SOX6: variants seen among roughly 807,000 people sequenced by gnomAD.
SOX6 encodes transcription factor SOX-6.
Under a neutral mutation model 97.8 loss-of-function variants are expected in SOX6, and 11 were observed. The ratio of observed to expected loss-of-function variants is 0.11; its 90% CI spans 0.07 to 0.19. The LOEUF is 0.19. Ranked by LOEUF, SOX6 falls within the 10% of genes least tolerant of loss-of-function variation. The probability of loss-of-function intolerance (pLI) is 1.00; values close to 1 mark genes in which losing one functional copy is unlikely to be tolerated. For missense variants in SOX6, 810 were observed against 1,039.5 expected (o/e 0.78, Z 3.04); for synonymous variants, 360 against 371.4 (o/e 0.97, Z 0.35).
At chr11:16,586,334 A>C (rs945832034) in intron 4 of SOX6, among the ~76,000 whole-genome samples, 2 of 152,180 alleles carry the variant, frequency 1.3e-5, no homozygotes, top group Non-Finnish European at 2.9e-5. Context: ...TTAAAGAAAA[A>C]AAGGAAAGAA....
chr11:16,622,067 G>A (rs1192975122), intron 3 of SOX6, among the ~76,000 whole-genome samples: 1 of 152,064 alleles, frequency 6.6e-6, no homozygotes, highest in Non-Finnish European at 1.5e-5. Context: ...TTTTCTTAAA[G>A]TAATGCTTGC....
chr11:16,707,549 A>G (rs1311612431), intron 3 of SOX6, among the ~76,000 whole-genome samples: 1 of 152,196 alleles, frequency 6.6e-6, no homozygotes, highest in African/African-American at 2.4e-5. Flanking sequence ...TTTAACAGCT[A>G]CAGCTTCAAA....
chr11:16,536,480 G>A (rs149901498), intron 4 of SOX6, among the ~76,000 whole-genome samples: 1 of 152,200 alleles, frequency 6.6e-6, no homozygotes, highest in Non-Finnish European at 1.5e-5. Context: ...CATGGAGGGT[G>A]AGCTGAAGAA....
chr11:16,335,757 T>G (rs1247508599), intron 2 of SOX6, among the ~76,000 whole-genome samples: 1 of 152,154 alleles, frequency 6.6e-6, no homozygotes, highest in Non-Finnish European at 1.5e-5. Context: ...ACACCAGCAA[T>G]TTTATGACTC....
At chr11:16,647,722 C>A (rs1054088414) in intron 3 of SOX6, among the ~76,000 whole-genome samples, 2 of 152,220 alleles carry the variant, frequency 1.3e-5, no homozygotes, top group African/African-American at 4.8e-5. Flanking sequence ...TCTGAACCCA[C>A]ATCCCCACTG....
intron 2 of SOX6, among the ~76,000 whole-genome samples, chr11:16,717,953 C>T (rs374635574): frequency 3.3e-4 from 45 of 134,694 alleles, no homozygotes; most frequent in South Asian, 4.6e-4. Context: ...TCCTGTTTTT[C>T]TTTTTTTTTT....
At chr11:16,412,663 T>A (rs1327451806) in intron 1 of SOX6, among the ~76,000 whole-genome samples, 1 of 152,164 alleles carries the variant, frequency 6.6e-6, no homozygotes, top group Non-Finnish European at 1.5e-5. Flanking sequence ...ATTGGTTCAC[T>A]TAATTGAAAA....
At chr11:16,496,360 G>C (rs1179615222) in intron 4 of SOX6, among the ~76,000 whole-genome samples, 1 of 151,106 alleles carries the variant, frequency 6.6e-6, no homozygotes, top group African/African-American at 2.4e-5. Context: ...GGCTGAATAG[G>C]AACAGCTCCA....
intron 3 of SOX6, chr11:16,612,400 TACCAC>T (rs1274623103): frequency 3.3e-5 from 5 of 152,382 alleles, no homozygotes; most frequent in African/African-American, 1.2e-4. Flanking sequence ...GAAGGGTAAT[TACCAC>T]CATAGAATTA....
chr11:16,257,426 T>C (rs368984780), intron 3 of SOX6, among the ~76,000 whole-genome samples: 2 of 152,028 alleles, frequency 1.3e-5, no homozygotes, highest in South Asian at 2.1e-4. Context: ...CAACTGATTT[T>C]TGACATAAAG....
chr11:16,735,050 A>G (rs1459293655), intron 2 of SOX6, among the ~76,000 whole-genome samples: 2 of 152,208 alleles, frequency 1.3e-5, no homozygotes, highest in African/African-American at 4.8e-5. Context: ...GGGAGCTCCA[A>G]GAAGTTTTTG....
intron 4 of SOX6, among the ~76,000 whole-genome samples, chr11:16,490,928 A>T (rs1197832874): frequency 6.6e-6 from 1 of 152,138 alleles, no homozygotes; most frequent in South Asian, 2.1e-4. Flanking sequence ...CAAACATCAT[A>T]CCATGATTCT....
intron 4 of SOX6, among the ~76,000 whole-genome samples, chr11:16,580,349 C>T (rs1848021163): frequency 6.6e-6 from 1 of 151,904 alleles, no homozygotes; most frequent in South Asian, 2.1e-4. Flanking sequence ...TATATAAATT[C>T]AATTACCAGG....
intron 4 of SOX6, among the ~76,000 whole-genome samples, chr11:16,217,994 G>A (rs1852423013): frequency 1.3e-5 from 2 of 151,898 alleles, no homozygotes; most frequent in African/African-American, 4.8e-5. Context: ...GGGTTAGCGG[G>A]TGTTGATTTT....
chr11:16,484,082 C>G, intron 4 of SOX6: 1 of 770,396 alleles, frequency 1.3e-6, no homozygotes, highest in Non-Finnish European at 2.4e-6. Context: ...TGCCTTTGGA[C>G]TTAACTTCTC....
chr11:16,031,578 G>C (rs1290273291), intron 12 of SOX6: 1 of 152,156 alleles, frequency 6.6e-6, no homozygotes, highest in East Asian at 1.9e-4. Context: ...TTACACACTA[G>C]AGCCCTGCCA....
At chr11:16,289,517 A>G (rs1854848066) in intron 3 of SOX6, among the ~76,000 whole-genome samples, 1 of 152,002 alleles carries the variant, frequency 6.6e-6, no homozygotes, top group South Asian at 2.1e-4. Flanking sequence ...GCCTAAAGAC[A>G]TTTTCTGTCT....
At chr11:16,234,148 T>C (rs933878488) in intron 4 of SOX6, among the ~76,000 whole-genome samples, 6 of 152,120 alleles carry the variant, frequency 3.9e-5, no homozygotes, top group African/African-American at 1.2e-4. Context: ...TAAACCATTA[T>C]GTACAGCACA....
intron 3 of SOX6, among the ~76,000 whole-genome samples, chr11:16,241,447 C>T (rs1046829114): frequency 4.6e-5 from 7 of 152,006 alleles, no homozygotes; most frequent in Non-Finnish European, 1.0e-4. Context: ...TCTGCTCCTG[C>T]TTTTTGGGTT....
Sources: allele counts gnomAD v4.1 joint callset (sites outside exome capture counted in the v4.1 genomes callset), GRCh38; gene constraint gnomAD v4.1.1; transcripts MANE v1.5; gene names NCBI Gene and HGNC (gene_info 2026-07-23, HGNC 2026-07-21).